Variants in INSC observed in about 807,000 individuals in gnomAD.
INSC encodes the protein INSC spindle orientation adaptor protein.
INSC carries 67 observed loss-of-function variants against 58.6 expected under a neutral mutation model. The ratio of observed to expected loss-of-function variants is 1.14; its 90% CI spans 0.94 to 1.40. The LOEUF (loss-of-function observed/expected upper bound fraction) is 1.40. INSC is among the 40% of genes most tolerant of loss of function. The pLI is 0.00. For missense variants in INSC, 714 were observed against 692.0 expected, an observed-to-expected ratio of 1.03 and a Z score of -0.36; for synonymous variants, 262 against 276.1, an observed-to-expected ratio of 0.95 and a Z score of 0.51.
chr11:15,113,109 TTCTC>T (rs757095095), upstream of INSC, among the ~76,000 whole-genome samples: 8 of 75,102 alleles, frequency 1.1e-4, no homozygotes, highest in Admixed American at 7.7e-4. Flanking sequence ...TTTCTTTCTT[TTCTC>T]TCTCTCTCTT....
At chr11:15,178,872 C>T (rs1192229300) in intron 5 of INSC, among the ~76,000 whole-genome samples, 3 of 152,228 alleles carry the variant, frequency 2.0e-5, no homozygotes, top group Non-Finnish European at 4.4e-5. Flanking sequence ...AAATTGGAAC[C>T]TGATCCCCCT....
At chr11:15,120,015 G>C (rs2133683180) in intron 1 of INSC, among the ~76,000 whole-genome samples, 1 of 152,320 alleles carries the variant, frequency 6.6e-6, no homozygotes, top group African/African-American at 2.4e-5. Context: ...ACAAGATCTG[G>C]ATTCCAGCTC....
intron 7 of INSC, among the ~76,000 whole-genome samples, chr11:15,206,635 A>T (rs1850810607): frequency 6.6e-6 from 1 of 152,088 alleles, no homozygotes; most frequent in African/African-American, 2.4e-5. Context: ...GCCTTCCTGG[A>T]GGACTGGAGC....
chr11:15,194,078 A>G (rs1176999175), intron 6 of INSC, among the ~76,000 whole-genome samples: 1 of 152,246 alleles, frequency 6.6e-6, no homozygotes, highest in Non-Finnish European at 1.5e-5. Flanking sequence ...GTTTTCATTA[A>G]TTATAATGGG....
chr11:15,134,418 G>T (rs1440837971), intron 1 of INSC, among the ~76,000 whole-genome samples: 1 of 152,092 alleles, frequency 6.6e-6, no homozygotes, highest in Non-Finnish European at 1.5e-5. Context: ...ATGCATATGA[G>T]CAAAAAAGGC....
At chr11:15,187,954 G>A (rs893790245) in intron 5 of INSC, among the ~76,000 whole-genome samples, 3 of 152,184 alleles carry the variant, frequency 2.0e-5, no homozygotes, top group Non-Finnish European at 4.4e-5. Context: ...TTCCTATGAT[G>A]GATGCAGAGG....
intron 2 of INSC, among the ~76,000 whole-genome samples, chr11:15,160,194 T>A (rs751586520): frequency 1.5e-4 from 23 of 152,106 alleles, no homozygotes; most frequent in Non-Finnish European, 2.5e-4. Context: ...GTGGGGCACA[T>A]GGGACATAAA....
intron 7 of INSC, among the ~76,000 whole-genome samples, chr11:15,213,081 A>G (rs1160974444): frequency 6.6e-6 from 1 of 152,082 alleles, no homozygotes; most frequent in Non-Finnish European, 1.5e-5. Flanking sequence ...TCCTTGTATT[A>G]CAGATATCTC....
chr11:15,231,457 G>A (rs1851923286), intron 9 of INSC, among the ~76,000 whole-genome samples: 1 of 152,222 alleles, frequency 6.6e-6, no homozygotes, highest in African/African-American at 2.4e-5. Context: ...ACAAATTTGT[G>A]TTGGGCCACA....
At chr11:15,265,051 A>G in the INSC span, among the ~76,000 whole-genome samples, 13 of 152,272 alleles carry the variant, frequency 8.5e-5, no homozygotes, top group Admixed American at 2.6e-4. Context: ...CCAAGAAAAA[A>G]GGTCTGAAAT....
intron 10 of INSC, among the ~76,000 whole-genome samples, chr11:15,237,486 C>G (rs551578566): frequency 2.0e-5 from 3 of 152,346 alleles, no homozygotes; most frequent in African/African-American, 7.2e-5. Flanking sequence ...CTAAGCCCCC[C>G]TGCTCTTTCA....
At chr11:15,195,162 G>A (rs1850322946) in intron 6 of INSC, among the ~76,000 whole-genome samples, 1 of 152,204 alleles carries the variant, frequency 6.6e-6, no homozygotes, top group Admixed American at 6.5e-5. Flanking sequence ...ACTTGGTCAA[G>A]AGGGCTGACT....
chr11:15,140,183 C>A (rs908838716), intron 1 of INSC, among the ~76,000 whole-genome samples: 1 of 152,170 alleles, frequency 6.6e-6, no homozygotes, highest in Non-Finnish European at 1.5e-5. Context: ...AGTGAGGACA[C>A]CTTGACACTG....
upstream of INSC, among the ~76,000 whole-genome samples, chr11:15,113,143 T>TCTCTC (rs1847611291): frequency 3.0e-5 from 3 of 98,684 alleles, no homozygotes; most frequent in African/African-American, 1.1e-4. Flanking sequence ...CTTTCTTTCT[T>TCTCTC]TCTGTCTCTC....
chr11:15,136,492 C>T (rs1032054971), intron 1 of INSC, among the ~76,000 whole-genome samples: 1 of 151,994 alleles, frequency 6.6e-6, no homozygotes, highest in African/African-American at 2.4e-5. Context: ...AGCATTTTAC[C>T]TATAGTAAAA....
chr11:15,210,350 G>T (rs1850971011), intron 7 of INSC, among the ~76,000 whole-genome samples: 1 of 95,572 alleles, frequency 1.0e-5, no homozygotes, highest in Non-Finnish European at 2.0e-5. Context: ...TAGATGTTTA[G>T]CTGGCAGGGC....
intron 7 of INSC, among the ~76,000 whole-genome samples, chr11:15,215,271 T>C (rs1218668152): frequency 1.3e-5 from 2 of 152,272 alleles, no homozygotes; most frequent in Non-Finnish European, 2.9e-5. Flanking sequence ...TCTTTAGGGA[T>C]GTGAAAGTGC....
chr11:15,116,801 TTTCTTTTCTTTCTTTC>T (rs1178992780), intron 1 of INSC, among the ~76,000 whole-genome samples: 1 of 81,840 alleles, frequency 1.2e-5, no homozygotes, highest in Non-Finnish European at 3.3e-5. Context: ...TTTTCTTTTC[TTTCTTTTCTTTCTTTC>T]TTTCTTTCTT....
chr11:15,221,461 C>G lies in INSC; in HGVS notation c.820-16C>G, dbSNP rs558608901. 4 of 1,596,116 alleles carry G rather than the reference C, an allele frequency of 2.5e-6. No individual in the cohort carries two copies. In the Admixed American group the frequency reaches 6.8e-5, roughly 27 times the overall value. On this transcript the variant is annotated splice_polypyrimidine_tract_variant and intron_variant, in intron 7 of 12. Coordinates refer to ENST00000379556, the MANE Select transcript of INSC (RefSeq NM_001042536.3). ...CACCCAGGATGCACAGGGGAGCTCC[C>G]TCTCTCCATCTGCAGGTGGATGGCG...
Sources: allele counts gnomAD v4.1 joint callset (sites outside exome capture counted in the v4.1 genomes callset), GRCh38; gene constraint gnomAD v4.1.1; transcripts MANE v1.5; gene names NCBI Gene and HGNC (gene_info 2026-07-23, HGNC 2026-07-21).